The following RHOBTB1 variants were observed in gnomAD, a reference collection of about 807,000 sequenced individuals.
RHOBTB1 encodes the protein rho-related BTB domain-containing protein 1.
In RHOBTB1, 40 loss-of-function variants were observed where a neutral mutation model predicts 71.6. The ratio of observed to expected loss-of-function variants is 0.56; its 90% CI spans 0.43 to 0.73. The LOEUF (loss-of-function observed/expected upper bound fraction) is 0.73, where lower values mean the gene tolerates loss of function less well. Among genes scored for constraint, RHOBTB1 ranks in the 30% least tolerant of loss-of-function variants. The pLI is 0.00. For synonymous variants in RHOBTB1, 319 were observed against 334.9 expected (o/e 0.95, Z 0.52); for missense variants, 797 against 894.0 (o/e 0.89, Z 1.38).
the RHOBTB1 span, among the ~76,000 whole-genome samples, chr10:60,862,324 A>G: frequency 1.1e-4 from 16 of 151,980 alleles, no homozygotes; most frequent in Non-Finnish European, 2.1e-4. Context: ...CAGCCTCTCT[A>G]GTAGCTGAGA....
chr10:60,938,971 A>G (rs529130293), intron 2 of RHOBTB1, among the ~76,000 whole-genome samples: 59 of 152,248 alleles, frequency 3.9e-4, no homozygotes, highest in African/African-American at 1.4e-3. Context: ...ACAGTTGGGT[A>G]CCAATTCAAA....
At chr10:60,914,608 C>T (rs2083172258) in intron 2 of RHOBTB1, among the ~76,000 whole-genome samples, 1 of 152,100 alleles carries the variant, frequency 6.6e-6, no homozygotes, top group Non-Finnish European at 1.5e-5. Flanking sequence ...CAAACTAGCC[C>T]TGATAGCAGC....
At chr10:60,862,516 G>C in the RHOBTB1 span, among the ~76,000 whole-genome samples, 31,088 of 150,996 alleles carry the variant, frequency 0.21, 3,539 homozygotes, top group African/African-American at 0.32. Context: ...AGAATACGCT[G>C]TCTCTCTCTC....
intron 2 of RHOBTB1, among the ~76,000 whole-genome samples, chr10:60,921,185 T>C (rs1454282501): frequency 6.6e-6 from 1 of 151,736 alleles, no homozygotes; most frequent in Non-Finnish European, 1.5e-5. Flanking sequence ...TGATCTCAGG[T>C]GATCCTCCTT....
intron 8 of RHOBTB1, among the ~76,000 whole-genome samples, chr10:60,877,671 T>C (rs2081109875): frequency 6.6e-6 from 1 of 152,222 alleles, no homozygotes; most frequent in Non-Finnish European, 1.5e-5. Flanking sequence ...CATGCATTAC[T>C]CACCTTCATA....
intron 2 of RHOBTB1, among the ~76,000 whole-genome samples, chr10:60,956,083 CTTACACA>C (rs2085581839): frequency 6.6e-6 from 1 of 152,128 alleles, no homozygotes; most frequent in Non-Finnish European, 1.5e-5. Context: ...ATACAGTGTG[CTTACACA>C]AACCTAGATG....
chr10:60,898,578 G>A lies in RHOBTB1; in HGVS notation c.297-5583C>T, dbSNP rs374757425. Among the ~76,000 whole-genome samples, 13 of 152,314 alleles carry A rather than the reference G, an allele frequency of 8.5e-5. No individual in the cohort carries two copies. The East Asian group carries it at 1.4e-3, about 16-fold the overall frequency. The stretch of plus-strand genomic sequence containing the variant: ...GCTCATACTCATGGAGGATGGAGAG[G>A]CCTGTAGGGGAGCGCCTGGCAGGGG... On this transcript the variant is annotated intron_variant, in intron 4 of 10. Coordinates refer to ENST00000337910, the MANE Select transcript of RHOBTB1 (RefSeq NM_014836.5).
In RHOBTB1 at chr10:60,910,961, A is replaced by G; in HGVS notation, c.222T>C (p.Asp74=). Reference sequence around the variant, plus strand: ...AAAGCCTGAGAGAAACACTCACTTCATCAACAACATCCCGAGAACGCTCCA... The same window carrying G: ...AAAGCCTGAGAGAAACACTCACTTCGTCAACAACATCCCGAGAACGCTCCA... ...EVLERSRDVV[D]EVSVSLRLWD... is the part of the protein sequence containing the mutation. The change falls in exon 4 of 11, where the codon GAT becomes GAC. Residue 74 remains aspartate (D), a synonymous_variant. Transcript: ENST00000337910. 4 of 1,614,078 alleles carry G rather than the reference A, an allele frequency of 2.5e-6. No individual in the cohort carries two copies. The highest frequency in any genetic ancestry group is 3.4e-6 in the Non-Finnish European group (4 of 1,180,008).
Position 60,870,410 on chromosome 10 carries a change from T to C in RHOBTB1, c.*1072A>G, listed in dbSNP as rs2080723947. 6.6e-6 allele frequency: 1 copy of C among 152,414 alleles called. No homozygotes were observed. Among genetic ancestry groups the C allele is most frequent in the South Asian group, 2.1e-4 (1 of 4,834 alleles). The allele number at this position is 152,414 out of a possible 1,614,324, so 9.4% of individuals were successfully genotyped here. A position where few individuals can be genotyped will look rare whatever the true frequency, so the allele number is the denominator to read the frequency against. Reference sequence around the variant, plus strand: ...AAGTGGGTGGTCTGCCTTAGCCTACTTCTGCAGCAACATGAATTTTCCCTG... The same window carrying C: ...AAGTGGGTGGTCTGCCTTAGCCTACCTCTGCAGCAACATGAATTTTCCCTG... On this transcript the variant is annotated 3_prime_UTR_variant, in exon 11 of 11. Coordinates refer to ENST00000337910, the MANE Select transcript of RHOBTB1 (RefSeq NM_014836.5).
At chr10:60,872,535 G>GATATTTAATTA (rs2080845202) in intron 9 of RHOBTB1, among the ~76,000 whole-genome samples, 1 of 152,078 alleles carries the variant, frequency 6.6e-6, no homozygotes, top group East Asian at 1.9e-4. Context: ...ATCGAATCAC[G>GATATTTAATTA]AGCTTAAAGT....
chr10:60,874,013 C>T (rs1238994704), intron 9 of RHOBTB1, among the ~76,000 whole-genome samples: 1 of 152,240 alleles, frequency 6.6e-6, no homozygotes, highest in Middle Eastern at 3.2e-3. Flanking sequence ...CCTCTGGCCA[C>T]AGTAGGAAGG....
At chr10:60,915,568 T>A (rs2083228436) in intron 2 of RHOBTB1, among the ~76,000 whole-genome samples, 2 of 152,194 alleles carry the variant, frequency 1.3e-5, no homozygotes, top group Non-Finnish European at 1.5e-5. Context: ...ATGAATCCAC[T>A]TGCACAGTAT....
intron 7 of RHOBTB1, among the ~76,000 whole-genome samples, chr10:60,879,582 T>C (rs2081215450): frequency 6.6e-6 from 1 of 152,020 alleles, no homozygotes. Flanking sequence ...TGGCCTCAAG[T>C]GATCCTCCTG....
chr10:61,001,458 G>A (rs1383435899), upstream of RHOBTB1: 2 of 151,334 alleles, frequency 1.3e-5, no homozygotes, highest in African/African-American at 4.8e-5. Flanking sequence ...CGAGGCTGGC[G>A]CGGGCTTTGT....
intron 2 of RHOBTB1, among the ~76,000 whole-genome samples, chr10:60,952,972 T>C (rs1348394897): frequency 6.6e-6 from 1 of 152,152 alleles, no homozygotes; most frequent in Non-Finnish European, 1.5e-5. Context: ...ACGCAAGCTT[T>C]AGTTCATTCC....
At chr10:60,991,070 C>T (rs1440820456) in intron 1 of RHOBTB1, among the ~76,000 whole-genome samples, 1 of 152,184 alleles carries the variant, frequency 6.6e-6, no homozygotes, top group African/African-American at 2.4e-5. Context: ...AATCCATTCA[C>T]CTTTTGGAAG....
chr10:60,952,409 C>T (rs2085443752), intron 2 of RHOBTB1, among the ~76,000 whole-genome samples: 1 of 152,086 alleles, frequency 6.6e-6, no homozygotes, highest in Non-Finnish European at 1.5e-5. Context: ...TAGTAAGTAC[C>T]CACTATGTGT....
At chr10:60,932,998 A>G (rs1445783740) in intron 2 of RHOBTB1, among the ~76,000 whole-genome samples, 5 of 152,262 alleles carry the variant, frequency 3.3e-5, no homozygotes, top group African/African-American at 1.2e-4. Context: ...GTATGTAAAC[A>G]TTTATGAGAC....
At chr10:60,884,111 G>A (rs2081456531) in intron 7 of RHOBTB1, among the ~76,000 whole-genome samples, 1 of 152,168 alleles carries the variant, frequency 6.6e-6, no homozygotes, top group African/African-American at 2.4e-5. Flanking sequence ...CTGGGGGGTT[G>A]GTTTAGGAGC....
Sources: allele counts gnomAD v4.1 joint callset (sites outside exome capture counted in the v4.1 genomes callset), GRCh38; gene constraint gnomAD v4.1.1; transcripts MANE v1.5; gene names NCBI Gene and HGNC (gene_info 2026-07-23, HGNC 2026-07-21).